Variants in CALN1 observed in about 807,000 individuals in gnomAD.
The protein encoded by CALN1 is calcium-binding protein 8.
A neutral mutation model predicts 30.6 loss-of-function variants in CALN1; 17 were observed. The observed-to-expected ratio is 0.56, with a 90% CI of 0.38 to 0.83. The LOEUF (loss-of-function observed/expected upper bound fraction) is 0.83. Among genes scored for constraint, CALN1 ranks in the 40% least tolerant of loss-of-function variants. The probability of loss-of-function intolerance (pLI) is 0.00; values close to 1 mark genes in which losing one functional copy is unlikely to be tolerated. For synonymous variants in CALN1, 156 were observed against 131.4 expected (o/e 1.19, Z -1.28); for missense variants, 291 against 354.9 (o/e 0.82, Z 1.45).
At chr7:71,829,574 C>T (rs1789137391) in intron 5 of CALN1, among the ~76,000 whole-genome samples, 2 of 152,208 alleles carry the variant, frequency 1.3e-5, no homozygotes, top group African/African-American at 4.8e-5. Flanking sequence ...CTGGAAGTAA[C>T]TCATCATCAG....
intron 3 of CALN1, among the ~76,000 whole-genome samples, chr7:72,220,453 T>G (rs1241311160): frequency 6.6e-6 from 1 of 151,548 alleles, no homozygotes; most frequent in Admixed American, 6.6e-5. Context: ...TGTTGGACAT[T>G]TGGGTTGGTT....
intron 2 of CALN1, among the ~76,000 whole-genome samples, chr7:72,357,944 A>G (rs532382736): frequency 6.6e-6 from 1 of 150,948 alleles, no homozygotes; most frequent in Non-Finnish European, 1.5e-5. Context: ...AGCTAGGATT[A>G]CTGGCACACA....
intron 3 of CALN1, among the ~76,000 whole-genome samples, chr7:72,154,089 C>T (rs1432591672): frequency 6.6e-6 from 1 of 151,980 alleles, no homozygotes; most frequent in Non-Finnish European, 1.5e-5. Context: ...TGGAAGCATC[C>T]CTTTTACCAG....
intron 4 of CALN1, among the ~76,000 whole-genome samples, chr7:72,065,183 A>T (rs907569604): frequency 2.6e-5 from 4 of 151,108 alleles, no homozygotes; most frequent in Non-Finnish European, 2.9e-5. Context: ...AATGACCTTT[A>T]TCACCTAGAC....
At position 71,795,222 on chromosome 7, in the gene CALN1, A is replaced by T. The variant is rs182455384; in HGVS notation, c.659-7320T>A. Reference sequence around the variant, plus strand: ...TTTTTAGTAGAGACGGGGTTTCATCATGTTGGCCAAGACGGTCTCGATCTC... The same window carrying T: ...TTTTTAGTAGAGACGGGGTTTCATCTTGTTGGCCAAGACGGTCTCGATCTC... On this transcript the variant is annotated intron_variant, in intron 6 of 6. Transcript: ENST00000395275. Among the ~76,000 whole-genome samples, 298 of 152,058 alleles carry T rather than the reference A, an allele frequency of 2.0e-3. 1 individual carries two copies. The highest frequency in any genetic ancestry group is 4.9e-4 in the Non-Finnish European group (33 of 67,988).
At chr7:72,194,832 C>T (rs1790878565) in intron 3 of CALN1, among the ~76,000 whole-genome samples, 1 of 151,890 alleles carries the variant, frequency 6.6e-6, no homozygotes, top group African/African-American at 2.4e-5. Context: ...CCTCATGATC[C>T]ATCTGTCTCG....
At chr7:72,237,787 G>A (rs1794564734) in intron 3 of CALN1, among the ~76,000 whole-genome samples, 1 of 152,064 alleles carries the variant, frequency 6.6e-6, no homozygotes, top group African/African-American at 2.4e-5. Flanking sequence ...AGTTTCTCTG[G>A]CTACTCAAGA....
intron 2 of CALN1, among the ~76,000 whole-genome samples, chr7:72,388,612 C>T (rs1465297358): frequency 1.3e-5 from 2 of 152,068 alleles, no homozygotes; most frequent in East Asian, 3.9e-4. Context: ...AATTCAAAAC[C>T]GTTCTAAAAA....
intron 3 of CALN1, among the ~76,000 whole-genome samples, chr7:72,168,996 G>A (rs149501296): frequency 0.013 from 1,973 of 151,648 alleles, 22 homozygotes; most frequent in Non-Finnish European, 0.02. Flanking sequence ...AGTAGAGACG[G>A]GATTTTACCA....
At chr7:72,490,647 TAGTG>T in the CALN1 span, among the ~76,000 whole-genome samples, 5 of 152,292 alleles carry the variant, frequency 3.3e-5, no homozygotes, top group South Asian at 6.2e-4. Flanking sequence ...GTTCTCCTGA[TAGTG>T]AGTGAGTTCT....
chr7:72,133,539 T>C (rs1235705032), intron 3 of CALN1, among the ~76,000 whole-genome samples: 2 of 152,216 alleles, frequency 1.3e-5, no homozygotes, highest in Non-Finnish European at 2.9e-5. Context: ...TAATAACTGA[T>C]TCAGGCAAAA....
intron 2 of CALN1, among the ~76,000 whole-genome samples, chr7:72,387,190 AAGGG>A (rs1240097631): frequency 2.0e-4 from 27 of 131,902 alleles, no homozygotes; most frequent in Admixed American, 5.3e-4. Context: ...CAAACTAAGG[AAGGG>A]AGGGAGGGAG....
intron 5 of CALN1, among the ~76,000 whole-genome samples, chr7:71,893,881 G>T (rs531234055): frequency 2.0e-5 from 3 of 152,036 alleles, no homozygotes; most frequent in African/African-American, 7.2e-5. Context: ...AAATAATATT[G>T]GTCCAAAGAT....
chr7:72,143,439 G>C (rs993873921), intron 3 of CALN1, among the ~76,000 whole-genome samples: 5 of 152,150 alleles, frequency 3.3e-5, no homozygotes, highest in Admixed American at 3.3e-4. Flanking sequence ...AGAATAAAAA[G>C]AAATGAACAA....
At chr7:72,494,180 A>T in the CALN1 span, among the ~76,000 whole-genome samples, 1 of 152,106 alleles carries the variant, frequency 6.6e-6, no homozygotes, top group African/African-American at 2.4e-5. Flanking sequence ...ACAGAGCAAG[A>T]CCTTGTCTCT....
At chr7:71,788,228 C>T (rs1418225155) in intron 6 of CALN1, among the ~76,000 whole-genome samples, 1 of 152,164 alleles carries the variant, frequency 6.6e-6, no homozygotes, top group Non-Finnish European at 1.5e-5. Context: ...AAATATGGGA[C>T]ATTCCAGGGT....
intron 3 of CALN1, among the ~76,000 whole-genome samples, chr7:72,223,480 C>T (rs964191977): frequency 6.6e-6 from 1 of 152,134 alleles, no homozygotes; most frequent in African/African-American, 2.4e-5. Flanking sequence ...CAAGTGGCTT[C>T]TCTCAATGCT....
intron 5 of CALN1, among the ~76,000 whole-genome samples, chr7:71,814,500 G>A (rs1788146446): frequency 1.3e-5 from 2 of 151,982 alleles, no homozygotes; most frequent in African/African-American, 4.8e-5. Flanking sequence ...ATATTGATGA[G>A]CAAGAGTGTG....
chr7:72,088,010 T>C (rs1335133139), intron 4 of CALN1, among the ~76,000 whole-genome samples: 5 of 151,774 alleles, frequency 3.3e-5, no homozygotes, highest in African/African-American at 9.7e-5. Flanking sequence ...CAAAAAGAAA[T>C]TGAAAAAATT....
Sources: allele counts gnomAD v4.1 joint callset (sites outside exome capture counted in the v4.1 genomes callset), GRCh38; gene constraint gnomAD v4.1.1; transcripts MANE v1.5; gene names NCBI Gene and HGNC (gene_info 2026-07-23, HGNC 2026-07-21).